DSCAML1: variants seen among roughly 807,000 people sequenced by gnomAD.
DSCAML1 encodes the protein DS cell adhesion molecule like 1.
A neutral mutation model predicts 200.5 loss-of-function variants in DSCAML1; 38 were observed. That is an observed-to-expected ratio of 0.19 (90% CI 0.15 to 0.25). DSCAML1 has a LOEUF of 0.25. Ranked by LOEUF, DSCAML1 falls within the 10% of genes least tolerant of loss-of-function variation. The pLI is 1.00. For missense variants in DSCAML1, 2,223 were observed against 2,858.8 expected (o/e 0.78, Z 5.07); for synonymous variants, 1,215 against 1,165.0 (o/e 1.04, Z -0.87).
intron 8 of DSCAML1, among the ~76,000 whole-genome samples, chr11:117,512,799 A>ACCCACACCCACACC (rs371676414): frequency 2.2e-5 from 3 of 137,508 alleles, no homozygotes; most frequent in Admixed American, 7.1e-5. Flanking sequence ...ACACACACAC[A>ACCCACACCCACACC]CACCCCTCCC....
At chr11:117,782,856 G>A (rs896736079) in intron 1 of DSCAML1, among the ~76,000 whole-genome samples, 10 of 152,156 alleles carry the variant, frequency 6.6e-5, no homozygotes, top group East Asian at 3.9e-4. Flanking sequence ...GTATCCCAGT[G>A]TACAGATGAG....
intron 3 of DSCAML1, among the ~76,000 whole-genome samples, chr11:117,597,558 C>T (rs2051385740): frequency 6.6e-6 from 1 of 152,230 alleles, no homozygotes; most frequent in Non-Finnish European, 1.5e-5. Flanking sequence ...AAGCAATTCT[C>T]CTACCTCAGC....
chr11:117,806,997 G>A (rs1172525676), intron 1 of DSCAML1, among the ~76,000 whole-genome samples: 1 of 152,136 alleles, frequency 6.6e-6, no homozygotes, highest in African/African-American at 2.4e-5. Context: ...CATCTCTCAA[G>A]GATGAGGCCA....
chr11:117,567,232 C>A (rs1406271954), intron 3 of DSCAML1, among the ~76,000 whole-genome samples: 2 of 152,184 alleles, frequency 1.3e-5, no homozygotes, highest in African/African-American at 4.8e-5. Context: ...ACATCCTCTC[C>A]AGCACCTGTT....
intron 27 of DSCAML1, among the ~76,000 whole-genome samples, chr11:117,433,984 C>T (rs1440327543): frequency 1.3e-5 from 2 of 152,206 alleles, no homozygotes; most frequent in Non-Finnish European, 2.9e-5. Context: ...GATTTTGTGG[C>T]CCCTGCTTTG....
At position 117,437,931 on chromosome 11, in the gene DSCAML1, T is replaced by A; in HGVS notation, c.4396A>T (p.Ile1466Phe). 6.2e-7 allele frequency: 1 copy of A among 1,613,012 alleles called. No individual in the cohort carries two copies. Among genetic ancestry groups the A allele is most frequent in the Admixed American group, 1.7e-5 (1 of 59,984 alleles). ...AAKNSVGSGR[I>F]SEIIEAKTHG... ...GTCTTGGCCTCGATGATCTCGCTGATGCGCCCAGAGCCCACGCTGTTCTTG... is the reference window on the plus strand; with the variant it reads ...GTCTTGGCCTCGATGATCTCGCTGAAGCGCCCAGAGCCCACGCTGTTCTTG... The change falls in exon 25 of 33, where the codon ATC becomes TTC. Residue 1466 changes from isoleucine to phenylalanine, a missense_variant. Coordinates refer to ENST00000651296, the MANE Select transcript of DSCAML1 (RefSeq NM_020693.4). This position sits in a 1 kb window ranked among gnomAD's most constrained non-coding sequence, Gnocchi z 5.3.
intron 2 of DSCAML1, 88 bp from the exon 3 acceptor site, chr11:117,777,025 C>T: frequency 7.2e-7 from 1 of 1,381,092 alleles, no homozygotes; most frequent in Non-Finnish European, 1.0e-6. Flanking sequence ...CAGCTCAACT[C>T]CCTCTGCTCC....
At chr11:117,707,249 T>C (rs2053773272) in intron 3 of DSCAML1, among the ~76,000 whole-genome samples, 1 of 152,202 alleles carries the variant, frequency 6.6e-6, no homozygotes, top group Admixed American at 6.5e-5. Context: ...GAGAATCAGC[T>C]TAAACTTCAA....
chr11:117,628,324 G>C (rs991666697), intron 3 of DSCAML1, among the ~76,000 whole-genome samples: 1 of 152,168 alleles, frequency 6.6e-6, no homozygotes, highest in Non-Finnish European at 1.5e-5. Context: ...CGCTTCCCAG[G>C]GTGGGGAGCG....
At chr11:117,540,411 C>A (rs1266397010) in intron 3 of DSCAML1, among the ~76,000 whole-genome samples, 1 of 152,134 alleles carries the variant, frequency 6.6e-6, no homozygotes. Flanking sequence ...TACCCCTGTC[C>A]CGTGGAAATA....
intron 17 of DSCAML1, among the ~76,000 whole-genome samples, chr11:117,462,909 G>A (rs1282725562): frequency 6.6e-6 from 1 of 152,200 alleles, no homozygotes; most frequent in African/African-American, 2.4e-5. Flanking sequence ...TTTTGAAAAT[G>A]ACTCCATAGC....
intron 3 of DSCAML1, among the ~76,000 whole-genome samples, chr11:117,563,832 C>T (rs568369352): frequency 1.3e-5 from 2 of 152,278 alleles, no homozygotes; most frequent in South Asian, 4.1e-4. Context: ...GTGAAAAGGG[C>T]TGGGCTAGGC....
rs59812838 is a variant in DSCAML1, at chr11:117,718,681, C to T, written c.511+58110G>A. Among the ~76,000 whole-genome samples, 15 of 106,056 alleles carry T rather than the reference C, an allele frequency of 1.4e-4. 1 individual carries two copies. The East Asian group carries it at 3.4e-3, about 24-fold the overall frequency. The allele number at this position is 106,056 out of a possible 152,430, so 69.6% of individuals were successfully genotyped here. On this transcript the variant is annotated intron_variant, in intron 3 of 32. Coordinates refer to ENST00000651296, the MANE Select transcript of DSCAML1 (RefSeq NM_020693.4). ...TGAATACTCAAAACCCCCCCCCCCC[C>T]CCATCATATGAGACCTTTAAAAAAT...
intron 3 of DSCAML1, among the ~76,000 whole-genome samples, chr11:117,691,803 G>A (rs895535335): frequency 1.3e-5 from 2 of 152,042 alleles, no homozygotes; most frequent in Non-Finnish European, 2.9e-5. Context: ...CTCTCCCCAG[G>A]GGGGTTTTGC....
At chr11:117,629,057 G>A (rs1303694767) in intron 3 of DSCAML1, among the ~76,000 whole-genome samples, 1 of 152,092 alleles carries the variant, frequency 6.6e-6, no homozygotes, top group Admixed American at 6.5e-5. Context: ...CCCTGAGCAC[G>A]GCTAACCCAA....
chr11:117,716,437 T>G (rs1406257041), intron 3 of DSCAML1, among the ~76,000 whole-genome samples: 1 of 152,170 alleles, frequency 6.6e-6, no homozygotes, highest in Non-Finnish European at 1.5e-5. Flanking sequence ...GTTTTGCTCT[T>G]TAAAAGCTTA....
intron 3 of DSCAML1, among the ~76,000 whole-genome samples, chr11:117,668,035 T>C (rs1157159887): frequency 6.6e-6 from 1 of 152,168 alleles, no homozygotes. Context: ...GCACTGAGGG[T>C]TTTATACACA....
intron 3 of DSCAML1, among the ~76,000 whole-genome samples, chr11:117,582,289 C>T (rs1471818057): frequency 6.6e-6 from 1 of 152,196 alleles, no homozygotes; most frequent in East Asian, 1.9e-4. Context: ...AAACTGTTCT[C>T]TATTCCTTTG....
At chr11:117,442,516 G>A (rs1271900210) in intron 21 of DSCAML1, among the ~76,000 whole-genome samples, 3 of 152,256 alleles carry the variant, frequency 2.0e-5, no homozygotes, top group Admixed American at 1.3e-4. Context: ...GTGTGTGTGT[G>A]CGTGTGTGTG....
Sources: allele counts gnomAD v4.1 joint callset (sites outside exome capture counted in the v4.1 genomes callset), GRCh38; gene constraint gnomAD v4.1.1; non-coding constraint Gnocchi (gnomAD v3.1); transcripts MANE v1.5; gene names NCBI Gene and HGNC (gene_info 2026-07-23, HGNC 2026-07-21).